The following KCNJ5 variants were observed in gnomAD, a reference collection of about 807,000 sequenced individuals.
KCNJ5 encodes the protein potassium inwardly rectifying channel subfamily J member 5, also known as G protein-activated inward rectifier potassium channel 4.
A neutral mutation model predicts 20.2 loss-of-function variants in KCNJ5; 12 were observed. The observed-to-expected ratio is 0.59, with a 90% CI of 0.38 to 0.96. The LOEUF (loss-of-function observed/expected upper bound fraction) is 0.96, where lower values mean the gene tolerates loss of function less well. Ranked by LOEUF, KCNJ5 falls within the 40% of genes least tolerant of loss-of-function variation. The pLI, the probability that KCNJ5 is intolerant of heterozygous loss-of-function variation, is 0.00. For missense variants in KCNJ5, 449 were observed against 557.6 expected (o/e 0.81, Z 1.96); for synonymous variants, 210 against 213.9 (o/e 0.98, Z 0.16).
chr11:128,904,860 G>A (rs1381983283), intron 1 of KCNJ5, among the ~76,000 whole-genome samples: 2 of 152,180 alleles, frequency 1.3e-5, no homozygotes, highest in Non-Finnish European at 2.9e-5. Context: ...AAGCAAACCC[G>A]TAAAACGTTC....
intron 1 of KCNJ5, among the ~76,000 whole-genome samples, chr11:128,906,435 GGCTTGATGC>G: frequency 6.6e-6 from 1 of 152,318 alleles, no homozygotes; most frequent in African/African-American, 2.4e-5. Context: ...CAGAAGTCCA[GGCTTGATGC>G]GACTGTGTCC....
At chr11:128,913,731 G>C (rs1002695556) in intron 2 of KCNJ5, among the ~76,000 whole-genome samples, 20 of 152,036 alleles carry the variant, frequency 1.3e-4, no homozygotes, top group African/African-American at 4.3e-4. Flanking sequence ...TTTTACAGAT[G>C]TCGAGGCTGA....
intron 1 of KCNJ5, among the ~76,000 whole-genome samples, chr11:128,907,628 GGAA>G (rs1168671924): frequency 3.3e-5 from 5 of 152,212 alleles, no homozygotes; most frequent in Non-Finnish European, 7.3e-5. Flanking sequence ...AGGAGAGGAT[GGAA>G]GAAGAGAAGT....
At chr11:128,916,150 A>G (rs930579315) in intron 2 of KCNJ5, among the ~76,000 whole-genome samples, 2 of 139,760 alleles carry the variant, frequency 1.4e-5, no homozygotes, top group African/African-American at 5.5e-5. Flanking sequence ...GGATGGATAT[A>G]TCTTTGCCCT....
chr11:128,891,856 A>G (rs1348880818), intron 1 of KCNJ5, 135 bp downstream of exon 1: 11 of 152,170 alleles, frequency 7.2e-5, no homozygotes. Flanking sequence ...GCCAGGGGGG[A>G]TAAGGAAAAG....
Position 128,916,778 on chromosome 11 carries a change from C to T in KCNJ5, c.*47C>T, listed in dbSNP as rs1000445472. The T allele has an allele frequency of 3.7e-6, 5 of 1,364,986 alleles. No homozygotes were observed. In the African/African-American group the frequency reaches 7.2e-5, roughly 20 times the overall value. 84.6% of individuals were successfully genotyped at this position (1,364,986 alleles called of 1,614,324 possible). A position where few individuals can be genotyped will look rare whatever the true frequency, so the allele number is the denominator to read the frequency against. On this transcript the variant is annotated 3_prime_UTR_variant, in exon 3 of 3. Coordinates refer to ENST00000529694, the MANE Select transcript of KCNJ5 (RefSeq NM_000890.5). ...CTCCTGTCACTGGCTTCAGTGAACA[C>T]AGACACTGCAGAGCCTGGGAGCAGG...
intron 1 of KCNJ5, among the ~76,000 whole-genome samples, chr11:128,908,336 G>A (rs563409881): frequency 5.3e-5 from 8 of 152,156 alleles, no homozygotes; most frequent in Non-Finnish European, 1.2e-4. Context: ...ATATTATCTG[G>A]GATTTATAGC....
intron 1 of KCNJ5, chr11:128,902,613 C>G (rs1457183889): frequency 6.2e-7 from 1 of 1,613,796 alleles, no homozygotes; most frequent in Admixed American, 1.7e-5. Context: ...CCCAGGCGGC[C>G]CTCTCTACTA....
At chr11:128,896,471 C>T (rs75557443) in intron 1 of KCNJ5, among the ~76,000 whole-genome samples, 11,601 of 152,226 alleles carry the variant, frequency 0.076, 509 homozygotes, top group Middle Eastern at 0.14. Context: ...CTCTGGCAAC[C>T]ACTGGTCTGT....
At chr11:128,903,764 A>T (rs1944337323) in intron 1 of KCNJ5, among the ~76,000 whole-genome samples, 1 of 152,156 alleles carries the variant, frequency 6.6e-6, no homozygotes, top group South Asian at 2.1e-4. Flanking sequence ...TTAGATGAGT[A>T]GGGAGCATGC....
Position 128,917,312 on chromosome 11 carries a change from G to A in KCNJ5, c.*581G>A, listed in dbSNP as rs1944600007. ...CGTACAGCCCTTGGTGTTCTCTGCT[G>A]TTATCTGCCAAATGTGTGTGTTTTT... On this transcript the variant is annotated 3_prime_UTR_variant, in exon 3 of 3. Transcript: ENST00000529694. 1.3e-5 allele frequency: 2 copies of A among 153,350 alleles called. No homozygotes were observed. The highest frequency in any genetic ancestry group is 2.1e-4 in the South Asian group (1 of 4,852). 9.5% of individuals were successfully genotyped at this position (153,350 alleles called of 1,614,324 possible). A position where few individuals can be genotyped will look rare whatever the true frequency, so the allele number is the denominator to read the frequency against.
chr11:128,914,295 C>T (rs903095327), intron 2 of KCNJ5, among the ~76,000 whole-genome samples: 1 of 152,238 alleles, frequency 6.6e-6, no homozygotes, highest in Non-Finnish European at 1.5e-5. Context: ...GCAGGGAGAG[C>T]GCCCACAGGC....
chr11:128,904,235 C>T (rs1944350576), intron 1 of KCNJ5, among the ~76,000 whole-genome samples: 1 of 152,212 alleles, frequency 6.6e-6, no homozygotes. Context: ...TGCCACCTCA[C>T]CCTGCTCACT....
intron 1 of KCNJ5, among the ~76,000 whole-genome samples, chr11:128,896,177 T>G (rs1944174268): frequency 6.7e-6 from 1 of 148,412 alleles, no homozygotes. Context: ...TTATGCTTCT[T>G]TAACTCAATC....
In KCNJ5 at chr11:128,912,156, C is replaced by A; in HGVS notation, c.883C>A (p.His295Asn). The A allele has an allele frequency of 6.2e-7, 1 of 1,610,500 alleles. No homozygotes were observed. The highest frequency in any genetic ancestry group is 8.5e-7 in the Non-Finnish European group (1 of 1,180,004). The change falls in exon 2 of 3, where the codon CAT becomes AAT. Residue 295 changes from histidine to asparagine, a missense_variant. Transcript: ENST00000529694. ...CTGGGAGATGTCTCAGGCTCAGCTG[C>A]ATCAGGAAGAGTTTGAAGTTGTGGT... ...PFWEMSQAQL[H>N]QEEFEVVVIL... is the part of the protein sequence containing the mutation.
intron 1 of KCNJ5, among the ~76,000 whole-genome samples, chr11:128,895,687 G>A (rs548709448): frequency 1.1e-4 from 16 of 152,226 alleles, no homozygotes; most frequent in South Asian, 6.2e-4. Flanking sequence ...CTTCCACACC[G>A]GGCCTGCCTG....
Position 128,917,338 on chromosome 11 carries a change from C to A in KCNJ5, c.*607C>A. ...TTATCTGCCAAATGTGTGTGTTTTTCCTCTGCTGTGTTCTGTGTGTCCAGT... is the reference window on the plus strand; with the variant it reads ...TTATCTGCCAAATGTGTGTGTTTTTACTCTGCTGTGTTCTGTGTGTCCAGT... On this transcript the variant is annotated 3_prime_UTR_variant, in exon 3 of 3. Coordinates refer to ENST00000529694, the MANE Select transcript of KCNJ5 (RefSeq NM_000890.5). 1 of 153,370 alleles carries A rather than the reference C, an allele frequency of 6.5e-6. No homozygotes were observed. 9.5% of individuals were successfully genotyped at this position (153,370 alleles called of 1,614,324 possible).
chr11:128,906,556 T>G (rs1944419222), intron 1 of KCNJ5, among the ~76,000 whole-genome samples: 1 of 152,208 alleles, frequency 6.6e-6, no homozygotes, highest in Non-Finnish European at 1.5e-5. Context: ...CTGGCAGAAT[T>G]CAGGTCTTTG....
rs138029623 is a variant in KCNJ5, at chr11:128,916,649, G to A, written c.1178G>A (p.Gly393Glu). Reference sequence around the variant, plus strand: ...CTGCTGGGGGGCTGTGCTGAGGCAGGGCTGGATGCAGAGGCTGAGCAGAAT... The same window carrying A: ...CTGCTGGGGGGCTGTGCTGAGGCAGAGCTGGATGCAGAGGCTGAGCAGAAT... ...PPLLGGCAEAGLDAEAEQNEE... is the reference protein window; with the variant it reads ...PPLLGGCAEAELDAEAEQNEE... Residue 393 changes from glycine to glutamate, a missense_variant, in exon 3 of 3, where the codon GGG becomes GAG. Around this residue, in one of 5 missense-constraint regions of KCNJ5, gnomAD observed 64 missense variants for 51.3 expected, o/e 1.25. Transcript: ENST00000529694. 8.1e-6 allele frequency: 13 copies of A among 1,613,272 alleles called. No individual in the cohort carries two copies. In the South Asian group the frequency reaches 9.9e-5, roughly 12 times the overall value.
Sources: gnomAD v4.1 joint callset for allele counts (sites outside exome capture counted in the v4.1 genomes callset) on GRCh38, gnomAD v4.1.1 for gene constraint, gnomAD v4.1.1 regional missense constraint, MANE v1.5 for transcripts, NCBI Gene and HGNC (gene_info 2026-07-23, HGNC 2026-07-21) for gene names.